Variants in PCDH15 observed in about 807,000 individuals in gnomAD.
The protein encoded by PCDH15 is protocadherin-15.
In PCDH15, 129 loss-of-function variants were observed where a neutral mutation model predicts 178.5. The observed-to-expected ratio is 0.72, with a 90% CI of 0.63 to 0.84. PCDH15 has a LOEUF of 0.84. Among genes scored for constraint, PCDH15 ranks in the 40% least tolerant of loss-of-function variants. The probability of loss-of-function intolerance (pLI) is 0.00; values close to 1 mark genes in which losing one functional copy is unlikely to be tolerated. For missense variants in PCDH15, 2,230 were observed against 2,099.9 expected, an observed-to-expected ratio of 1.06 and a Z score of -1.21; for synonymous variants, 800 against 732.0, an observed-to-expected ratio of 1.09 and a Z score of -1.50.
chr10:55,606,501 A>G (rs1843220327), intron 2 of PCDH15, among the ~76,000 whole-genome samples: 1 of 148,920 alleles, frequency 6.7e-6, no homozygotes, highest in South Asian at 2.2e-4. Context: ...AAACTATACT[A>G]CAAGGCTACA....
At chr10:54,257,430 G>C (rs1045828973) in intron 8 of PCDH15, among the ~76,000 whole-genome samples, 9 of 94,842 alleles carry the variant, frequency 9.5e-5, no homozygotes, top group African/African-American at 3.5e-4. Flanking sequence ...TGTCAAAGAA[G>C]TCAAATGACA....
At chr10:55,107,586 G>A (rs1301194455) in intron 2 of PCDH15, among the ~76,000 whole-genome samples, 1 of 150,118 alleles carries the variant, frequency 6.7e-6, no homozygotes, top group East Asian at 2.0e-4. Flanking sequence ...CTGCCTCCTG[G>A]GTTCAAGCGA....
At chr10:55,208,374 T>A (rs1840462522) in intron 1 of PCDH15, among the ~76,000 whole-genome samples, 1 of 151,994 alleles carries the variant, frequency 6.6e-6, no homozygotes, top group Non-Finnish European at 1.5e-5. Flanking sequence ...CATCTCTGGA[T>A]TCAAACTTTT....
chr10:54,091,794 C>A (rs2094604478), intron 15 of PCDH15, among the ~76,000 whole-genome samples: 2 of 152,100 alleles, frequency 1.3e-5, no homozygotes, highest in Non-Finnish European at 1.5e-5. Flanking sequence ...TTGCTGATTT[C>A]TCCTCATTTT....
chr10:55,517,434 C>T (rs1244604718), intron 2 of PCDH15, among the ~76,000 whole-genome samples: 6 of 152,012 alleles, frequency 3.9e-5, no homozygotes, highest in Non-Finnish European at 7.4e-5. Context: ...CCATGAGCTC[C>T]AAAGTCAAAA....
chr10:55,072,599 A>C (rs1841779321), intron 2 of PCDH15, among the ~76,000 whole-genome samples: 1 of 152,130 alleles, frequency 6.6e-6, no homozygotes, highest in African/African-American at 2.4e-5. Context: ...AATTGTGGCA[A>C]TAATCAATAG....
intron 1 of PCDH15, among the ~76,000 whole-genome samples, chr10:55,284,147 A>G (rs558546518): frequency 8.6e-4 from 131 of 152,182 alleles, no homozygotes; most frequent in African/African-American, 3.0e-3. Context: ...TCTAACGAAA[A>G]CATTTCGTTC....
chr10:54,863,160 T>A (rs1181457717), intron 3 of PCDH15, among the ~76,000 whole-genome samples: 1 of 152,202 alleles, frequency 6.6e-6, no homozygotes, highest in African/African-American at 2.4e-5. Flanking sequence ...GTTCTATGAT[T>A]AATTTTACGA....
At chr10:54,160,930 T>C (rs1213942133) in intron 13 of PCDH15, among the ~76,000 whole-genome samples, 3 of 152,160 alleles carry the variant, frequency 2.0e-5, no homozygotes, top group South Asian at 2.1e-4. Context: ...GGTAAAATGG[T>C]ACAAGCCACT....
chr10:55,052,379 T>C (rs532690471), intron 2 of PCDH15, among the ~76,000 whole-genome samples: 2 of 150,062 alleles, frequency 1.3e-5, no homozygotes, highest in Non-Finnish European at 3.0e-5. Flanking sequence ...TGAGCCACCG[T>C]ACCCGGCCAA....
At chr10:54,131,550 T>G (rs17645750) in intron 15 of PCDH15, among the ~76,000 whole-genome samples, 7,391 of 152,276 alleles carry the variant, frequency 0.049, 211 homozygotes, top group Non-Finnish European at 0.068. Flanking sequence ...TCCTCCAAAT[T>G]TCCATATTAC....
At chr10:55,161,381 G>A (rs1279611598) in intron 2 of PCDH15, among the ~76,000 whole-genome samples, 3 of 152,044 alleles carry the variant, frequency 2.0e-5, no homozygotes, top group Non-Finnish European at 4.4e-5. Flanking sequence ...TAATATTGGC[G>A]GGGGTTGGAA....
intron 21 of PCDH15, among the ~76,000 whole-genome samples, chr10:53,984,547 A>G (rs1184244037): frequency 1.3e-5 from 2 of 152,134 alleles, no homozygotes; most frequent in African/African-American, 4.8e-5. Flanking sequence ...AGCATCTCTT[A>G]TATAATAGAA....
At chr10:54,618,635 T>A (rs1217616185) in intron 2 of PCDH15, among the ~76,000 whole-genome samples, 1 of 152,128 alleles carries the variant, frequency 6.6e-6, no homozygotes, top group African/African-American at 2.4e-5. Flanking sequence ...CATATTCTAC[T>A]AACAGATTTG....
intron 2 of PCDH15, among the ~76,000 whole-genome samples, chr10:55,132,661 A>G (rs559515706): frequency 7.9e-5 from 12 of 152,360 alleles, no homozygotes; most frequent in African/African-American, 2.2e-4. Flanking sequence ...ATGGAAATAC[A>G]AATCCAAGTA....
At chr10:54,849,185 C>T (rs1224236479) in intron 3 of PCDH15, among the ~76,000 whole-genome samples, 1 of 151,830 alleles carries the variant, frequency 6.6e-6, no homozygotes, top group Non-Finnish European at 1.5e-5. Flanking sequence ...CTTCTTCTTT[C>T]TTCAATGAAA....
chr10:53,909,732 G>A (rs1385745833), intron 25 of PCDH15, among the ~76,000 whole-genome samples: 2 of 152,190 alleles, frequency 1.3e-5, no homozygotes, highest in Non-Finnish European at 2.9e-5. Flanking sequence ...AAAAGGGGTT[G>A]GGGGATTTCC....
At chr10:54,655,252 AAGAAAGAG>A (rs200757931) in intron 2 of PCDH15, among the ~76,000 whole-genome samples, 875 of 45,918 alleles carry the variant, frequency 0.019, 8 homozygotes, top group African/African-American at 0.029. Flanking sequence ...GAAAGAAAGA[AAGAAAGAG>A]AGAGAGAGAG....
chr10:55,318,019 G>A (rs147280536), intron 1 of PCDH15, among the ~76,000 whole-genome samples: 3 of 152,250 alleles, frequency 2.0e-5, no homozygotes, highest in African/African-American at 7.2e-5. Context: ...CTTAGTGAAA[G>A]ATCAGAAGCA....
Sources: allele counts gnomAD v4.1 joint callset (sites outside exome capture counted in the v4.1 genomes callset), GRCh38; gene constraint gnomAD v4.1.1; transcripts MANE v1.5; gene names NCBI Gene and HGNC (gene_info 2026-07-23, HGNC 2026-07-21).